The following MAGI1 variants were observed in gnomAD, a reference collection of about 807,000 sequenced individuals.
The protein encoded by MAGI1 is membrane-associated guanylate kinase, WW and PDZ domain-containing protein 1.
In MAGI1, 58 loss-of-function variants were observed where a neutral mutation model predicts 139.9. The ratio of observed to expected loss-of-function variants is 0.41; its 90% CI spans 0.34 to 0.52. MAGI1 has a LOEUF of 0.52. MAGI1 is among the 20% of genes least tolerant of loss of function. MAGI1 has a pLI of 0.12. For missense variants in MAGI1, 1,874 were observed against 1,901.6 expected, an observed-to-expected ratio of 0.99 and a Z score of 0.27; for synonymous variants, 812 against 737.9, an observed-to-expected ratio of 1.10 and a Z score of -1.63.
intron 5 of MAGI1, among the ~76,000 whole-genome samples, chr3:65,460,961 G>T (rs533727200): frequency 6.6e-6 from 1 of 152,226 alleles, no homozygotes; most frequent in Non-Finnish European, 1.5e-5. Context: ...ATGGGCATTT[G>T]GGTTGGTTCC....
intron 1 of MAGI1, among the ~76,000 whole-genome samples, chr3:66,005,021 G>A (rs922691428): frequency 1.3e-5 from 2 of 152,160 alleles, no homozygotes; most frequent in Non-Finnish European, 2.9e-5. Flanking sequence ...ATGTACAAGA[G>A]TATTAAAACA....
At chr3:65,803,212 T>C (rs565302643) in intron 1 of MAGI1, among the ~76,000 whole-genome samples, 6 of 152,274 alleles carry the variant, frequency 3.9e-5, no homozygotes, top group African/African-American at 1.4e-4. Context: ...CAATTAAAAA[T>C]AGTATTAGGA....
chr3:65,743,532 A>G (rs540104950), intron 1 of MAGI1, among the ~76,000 whole-genome samples: 2 of 151,378 alleles, frequency 1.3e-5, no homozygotes, highest in South Asian at 4.2e-4. Context: ...ACATGGTGAA[A>G]TCTCATCTCT....
At chr3:65,648,324 C>A (rs971683350) in intron 1 of MAGI1, among the ~76,000 whole-genome samples, 130 of 129,548 alleles carry the variant, frequency 1.0e-3, no homozygotes, top group Non-Finnish European at 7.2e-5. Context: ...TGTGCGCGTG[C>A]GCGTGCACAC....
At position 65,811,959 on chromosome 3, in the gene MAGI1, T is replaced by TGTGTGA. The variant is rs1415448646; in HGVS notation, c.314-189872_314-189871insTCACAC. Among the ~76,000 whole-genome samples the TGTGTGA allele has an allele frequency of 7.0e-5, 10 of 143,556 alleles. No homozygotes were observed. In the South Asian group the frequency reaches 1.8e-3, roughly 26 times the overall value. The allele number at this position is 143,556 out of a possible 152,430, so 94.2% of individuals were successfully genotyped here. A position where few individuals can be genotyped will look rare whatever the true frequency, so the allele number is the denominator to read the frequency against. ...GTGTGTGTGTGTGTGTGTGTGTGTG[T>TGTGTGA]GAGAGAGAGAGCGTGCACTCGCAGC... On this transcript the variant is annotated intron_variant, in intron 1 of 22. Transcript: ENST00000402939.
intron 2 of MAGI1, among the ~76,000 whole-genome samples, chr3:65,596,608 C>A (rs554145779): frequency 1.8e-4 from 27 of 152,168 alleles, no homozygotes; most frequent in Non-Finnish European, 3.2e-4. Flanking sequence ...AGTCTATATA[C>A]CAACACTGTG....
At chr3:65,426,270 T>A (rs1266995460) in intron 12 of MAGI1, among the ~76,000 whole-genome samples, 1 of 152,118 alleles carries the variant, frequency 6.6e-6, no homozygotes, top group Non-Finnish European at 1.5e-5. Context: ...CCCTGGACAT[T>A]TACAAATGAT....
At chr3:65,637,604 G>GAAAGAA (rs1553684105) in intron 1 of MAGI1, among the ~76,000 whole-genome samples, 2 of 145,978 alleles carry the variant, frequency 1.4e-5, no homozygotes. Context: ...AAGAAAGAAA[G>GAAAGAA]AAAGAAAGAA....
At chr3:66,018,923 G>A (rs35469570) in intron 1 of MAGI1, among the ~76,000 whole-genome samples, 2,101 of 152,162 alleles carry the variant, frequency 0.014, 22 homozygotes, top group Middle Eastern at 0.027. Flanking sequence ...CAAGGCTTCC[G>A]GTAAATTCTC....
chr3:65,934,362 G>C (rs984038602), intron 1 of MAGI1, among the ~76,000 whole-genome samples: 2 of 151,626 alleles, frequency 1.3e-5, no homozygotes, highest in South Asian at 2.1e-4. Flanking sequence ...CTCCCAAAAT[G>C]GTAGGATTAT....
chr3:66,032,036 T>A (rs28480345), intron 1 of MAGI1, among the ~76,000 whole-genome samples: 84,928 of 152,038 alleles, frequency 0.56, 25,085 homozygotes, highest in East Asian at 0.85. Flanking sequence ...ACAGAAAGCC[T>A]GCTAATTGGA....
At chr3:65,518,883 G>C (rs1309065563) in intron 2 of MAGI1, among the ~76,000 whole-genome samples, 1 of 152,090 alleles carries the variant, frequency 6.6e-6, no homozygotes, top group South Asian at 2.1e-4. Context: ...TTAACGTGAG[G>C]GAGAAAAAGC....
intron 1 of MAGI1, among the ~76,000 whole-genome samples, chr3:65,750,167 T>C (rs2036028035): frequency 6.6e-6 from 1 of 152,242 alleles, no homozygotes; most frequent in Admixed American, 6.5e-5. Context: ...GGTCCCGTAA[T>C]TGGCAAAATA....
intron 2 of MAGI1, among the ~76,000 whole-genome samples, chr3:65,593,650 G>C (rs913048290): frequency 6.6e-6 from 1 of 152,068 alleles, no homozygotes; most frequent in Admixed American, 6.6e-5. Context: ...AGCACTCTAG[G>C]AAACAGCCTG....
At chr3:65,886,732 T>C (rs543671634) in intron 1 of MAGI1, among the ~76,000 whole-genome samples, 39 of 152,324 alleles carry the variant, frequency 2.6e-4, no homozygotes, top group Middle Eastern at 6.8e-3. Flanking sequence ...CACAGTAGCG[T>C]AGGACTGTTA....
intron 1 of MAGI1, among the ~76,000 whole-genome samples, chr3:65,864,365 A>G (rs890080242): frequency 3.3e-5 from 5 of 152,216 alleles, no homozygotes; most frequent in African/African-American, 1.2e-4. Flanking sequence ...TCCCTGGTAC[A>G]GGCCAGGGTT....
rs375163879 is a variant in MAGI1, at chr3:65,741,460, C to T, written c.314-119372G>A. Among the ~76,000 whole-genome samples, 398 of 152,302 alleles carry T rather than the reference C, an allele frequency of 2.6e-3. 4 individuals carry two copies. Among genetic ancestry groups the T allele is most frequent in the Non-Finnish European group, 3.7e-3 (252 of 68,030 alleles). On this transcript the variant is annotated intron_variant, in intron 1 of 22. Transcript: ENST00000402939. ...AAGTGCTGGGATTACAGGCCTGAGC[C>T]GCCACGCCTGGCCTATTGCTTTATT...
At chr3:66,019,879 A>T (rs2067868359) in intron 1 of MAGI1, among the ~76,000 whole-genome samples, 1 of 151,988 alleles carries the variant, frequency 6.6e-6, no homozygotes, top group Non-Finnish European at 1.5e-5. Context: ...CCTGGCATCT[A>T]TTCCATGGCT....
intron 1 of MAGI1, among the ~76,000 whole-genome samples, chr3:65,631,366 C>G (rs1334037159): frequency 6.6e-6 from 1 of 152,146 alleles, no homozygotes; most frequent in Non-Finnish European, 1.5e-5. Flanking sequence ...TCTATGTTTT[C>G]TAACAAATAA....
Sources: allele counts gnomAD v4.1 joint callset (sites outside exome capture counted in the v4.1 genomes callset), GRCh38; gene constraint gnomAD v4.1.1; transcripts MANE v1.5; gene names NCBI Gene and HGNC (gene_info 2026-07-23, HGNC 2026-07-21).